Variants in GPC4 observed in about 807,000 individuals in gnomAD.
The protein encoded by GPC4 is glypican 4.
Under a neutral mutation model 35.0 loss-of-function variants are expected in GPC4, and 10 were observed. The observed-to-expected ratio is 0.29, with a 90% CI of 0.18 to 0.48. GPC4 has a LOEUF of 0.48. GPC4 is among the 20% of genes least tolerant of loss of function. The pLI is 0.99. For missense variants in GPC4, 322 were observed against 451.3 expected, an observed-to-expected ratio of 0.71 and a Z score of 2.60; for synonymous variants, 167 against 170.2, an observed-to-expected ratio of 0.98 and a Z score of 0.15.
intron 1 of GPC4, among the ~76,000 whole-genome samples, chrX:133,372,232 A>T (rs1341651967): frequency 2.2e-5 from 1 of 45,604 alleles, no homozygotes; most frequent in East Asian, 9.4e-4. Context: ...TTTAAAAAAA[A>T]AAAAAAAAAA....
chrX:133,401,659 T>C (rs749473863), intron 1 of GPC4, among the ~76,000 whole-genome samples: 1 of 112,044 alleles, frequency 8.9e-6, no homozygotes, highest in South Asian at 3.7e-4. Context: ...TGCTTAATAA[T>C]CCATTGACCT....
intron 1 of GPC4, among the ~76,000 whole-genome samples, chrX:133,365,476 A>G (rs2068585984): frequency 9.0e-6 from 1 of 111,378 alleles, no homozygotes; most frequent in Non-Finnish European, 1.9e-5. Flanking sequence ...ACCTCTTCTC[A>G]CTTCCATTTC....
chrX:133,307,681 C>T (rs1175817321), intron 4 of GPC4, among the ~76,000 whole-genome samples: 2 of 111,693 alleles, frequency 1.8e-5, no homozygotes, highest in African/African-American at 3.2e-5. Context: ...ATCAGGGCTG[C>T]CACGTACAGA....
chrX:133,364,574 C>T (rs1471395909), intron 1 of GPC4, among the ~76,000 whole-genome samples: 1 of 112,328 alleles, frequency 8.9e-6, no homozygotes, highest in Non-Finnish European at 1.9e-5. Flanking sequence ...TAAATTTAGT[C>T]ACTACTTCCT....
intron 1 of GPC4, among the ~76,000 whole-genome samples, chrX:133,404,866 A>AG (rs1556037570): frequency 4.5e-5 from 4 of 89,274 alleles, no homozygotes; most frequent in Non-Finnish European, 8.2e-5. Context: ...AAAAAAAAAA[A>AG]AAGGTGCAGA....
intron 1 of GPC4, among the ~76,000 whole-genome samples, chrX:133,396,955 T>C (rs1384199984): frequency 8.9e-6 from 1 of 112,120 alleles, no homozygotes; most frequent in Non-Finnish European, 1.9e-5. Flanking sequence ...ACCATTTATT[T>C]GCTTAACAAA....
chrX:133,383,166 T>C (rs1482423340), intron 1 of GPC4, among the ~76,000 whole-genome samples: 1 of 112,069 alleles, frequency 8.9e-6, no homozygotes. Context: ...AAGATGTCCT[T>C]CAGTAGGTGA....
chrX:133,410,874 T>G (rs748609837), intron 1 of GPC4, among the ~76,000 whole-genome samples: 1 of 112,464 alleles, frequency 8.9e-6, no homozygotes, highest in African/African-American at 3.2e-5. Context: ...GGACAATTTC[T>G]ACAGTGATAG....
At chrX:133,370,308 G>A (rs952411915) in intron 1 of GPC4, among the ~76,000 whole-genome samples, 3 of 111,877 alleles carry the variant, frequency 2.7e-5, no homozygotes, top group Non-Finnish European at 3.8e-5. Context: ...AAACATGGCT[G>A]GAGGGAAGAC....
intron 1 of GPC4, among the ~76,000 whole-genome samples, chrX:133,349,350 A>T (rs370385056): frequency 1.7e-3 from 193 of 112,497 alleles, no homozygotes; most frequent in African/African-American, 6.0e-3. Context: ...ATCAACACTG[A>T]CTTCCAACAG....
At chrX:133,368,327 T>G (rs1205261407) in intron 1 of GPC4, among the ~76,000 whole-genome samples, 1 of 111,620 alleles carries the variant, frequency 9.0e-6, no homozygotes, top group Non-Finnish European at 1.9e-5. Flanking sequence ...ATAGCCAACC[T>G]AGGCCCAAGA....
chrX:133,357,597 G>A (rs1369534769), intron 1 of GPC4, among the ~76,000 whole-genome samples: 1 of 108,869 alleles, frequency 9.2e-6, no homozygotes, highest in African/African-American at 3.3e-5. Flanking sequence ...TGTTGCTCGG[G>A]CTAGTCTGAA....
At chrX:133,385,266 C>G (rs1391529957) in intron 1 of GPC4, among the ~76,000 whole-genome samples, 1 of 111,782 alleles carries the variant, frequency 8.9e-6, no homozygotes, top group African/African-American at 3.2e-5. Flanking sequence ...GCCATATACT[C>G]TTCAAGGCAA....
intron 1 of GPC4, among the ~76,000 whole-genome samples, chrX:133,372,433 C>G (rs891573596): frequency 1.8e-5 from 2 of 109,452 alleles, no homozygotes; most frequent in Non-Finnish European, 3.8e-5. Context: ...TTTCAAAGTC[C>G]CTCCTTTTTC....
chrX:133,392,742 T>C, intron 1 of GPC4, among the ~76,000 whole-genome samples: 1 of 109,709 alleles, frequency 9.1e-6, no homozygotes, highest in Middle Eastern at 4.8e-3. Flanking sequence ...GGCTAAACTC[T>C]TTCCTCTCCT....
rs1289042509 is a variant in GPC4, at chrX:133,327,636, A to AGTTTGTGTGTGTGT, written c.320-3101_320-3100insACACACACACAAAC. Among the ~76,000 whole-genome samples the AGTTTGTGTGTGTGT allele has an allele frequency of 3.1e-3, 256 of 83,281 alleles. 6 individuals carry two copies. The highest frequency in any genetic ancestry group is 0.01 in the African/African-American group (229 of 22,661). The allele number at this position is 83,281 out of a possible 115,157, so 72.3% of individuals were successfully genotyped here. On this transcript the variant is annotated intron_variant, in intron 2 of 8. Coordinates refer to ENST00000370828, the MANE Select transcript of GPC4 (RefSeq NM_001448.3). ...CCATGACTCACATTCTGTCCAGGAA[A>AGTTTGTGTGTGTGT]GTGTGTGTGTGTGTGTGTGTGTGTG...
chrX:133,388,353 G>A (rs2068702258), intron 1 of GPC4, among the ~76,000 whole-genome samples: 1 of 111,915 alleles, frequency 8.9e-6, no homozygotes, highest in Non-Finnish European at 1.9e-5. Context: ...TAGGCTTCTG[G>A]ACATGTATGA....
intron 1 of GPC4, among the ~76,000 whole-genome samples, chrX:133,406,168 C>T (rs2068786152): frequency 8.9e-6 from 1 of 112,531 alleles, no homozygotes; most frequent in Admixed American, 9.4e-5. Flanking sequence ...CATGTTGACA[C>T]TTAATCAATA....
chrX:133,321,240 G>T (rs2068363375), intron 3 of GPC4, among the ~76,000 whole-genome samples: 2 of 111,849 alleles, frequency 1.8e-5, no homozygotes, highest in Admixed American at 1.9e-4. Flanking sequence ...CGTAACCTGG[G>T]AGGTAGGGAG....
Sources: gnomAD v4.1 joint callset for allele counts (sites outside exome capture counted in the v4.1 genomes callset) on GRCh38, gnomAD v4.1.1 for gene constraint, MANE v1.5 for transcripts, NCBI Gene and HGNC (gene_info 2026-07-23, HGNC 2026-07-21) for gene names.